The following GOLPH3L variants were observed in gnomAD, a reference collection of about 807,000 sequenced individuals.
The protein encoded by GOLPH3L is golgi phosphoprotein 3 like, also known as Golgi phosphoprotein 3-like.
In GOLPH3L, 22 loss-of-function variants were observed where a neutral mutation model predicts 30.3. The observed-to-expected ratio is 0.73, with a 90% CI of 0.52 to 1.04. GOLPH3L has a LOEUF of 1.04. GOLPH3L is among the 50% of genes least tolerant of loss of function. The pLI, the probability that GOLPH3L is intolerant of heterozygous loss-of-function variation, is 0.00. For synonymous variants in GOLPH3L, 120 were observed against 128.2 expected (o/e 0.94, Z 0.43); for missense variants, 303 against 345.8 (o/e 0.88, Z 0.98).
chr1:150,648,211 C>G lies in GOLPH3L; in HGVS notation c.*110G>C, dbSNP rs868524586. On this transcript the variant is annotated 3_prime_UTR_variant, in exon 5 of 5. Coordinates refer to ENST00000271732, the MANE Select transcript of GOLPH3L (RefSeq NM_018178.6). ...CTCTCCCCAAATCACAAGTCTGATT[C>G]AAGAAAAGGAAACAAAAATGATGAA... 1.1e-5 allele frequency: 9 copies of G among 784,456 alleles called. 1 individual carries two copies. The highest frequency in any genetic ancestry group is 5.6e-5 in the South Asian group (3 of 53,216). The allele number at this position is 784,456 out of a possible 1,614,324, so 48.6% of individuals were successfully genotyped here. A position where few individuals can be genotyped will look rare whatever the true frequency, so the allele number is the denominator to read the frequency against.
At chr1:150,694,110 C>T (rs1486665606) in intron 2 of GOLPH3L, 5 of 431,976 alleles carry the variant, frequency 1.2e-5, no homozygotes, top group East Asian at 8.7e-5. Context: ...TCACTCACCT[C>T]GGCTCCCCAA....
intron 2 of GOLPH3L, among the ~76,000 whole-genome samples, chr1:150,689,865 T>C (rs1651169489): frequency 6.6e-6 from 1 of 152,088 alleles, no homozygotes; most frequent in Non-Finnish European, 1.5e-5. Flanking sequence ...CTCGAACTCC[T>C]GGCCTCAAGT....
chr1:150,673,080 A>G (rs1650680503), intron 2 of GOLPH3L, among the ~76,000 whole-genome samples: 1 of 152,132 alleles, frequency 6.6e-6, no homozygotes, highest in Admixed American at 6.6e-5. Context: ...AAAATAAAGG[A>G]AAGCAACTGG....
chr1:150,648,811 T>C, intron 4 of GOLPH3L, 63 bp from the exon 5 acceptor site: 1 of 1,024,752 alleles, frequency 9.8e-7, no homozygotes, highest in Non-Finnish European at 1.5e-6. Flanking sequence ...AAACATGTAG[T>C]TGTTTGGAAA....
At chr1:150,682,066 GAAAAAA>G (rs34407662) in intron 2 of GOLPH3L, among the ~76,000 whole-genome samples, 1 of 143,850 alleles carries the variant, frequency 7.0e-6, no homozygotes, top group African/African-American at 2.6e-5. Context: ...ATGTCTCAAA[GAAAAAA>G]AAAAATGATG....
intron 2 of GOLPH3L, among the ~76,000 whole-genome samples, chr1:150,666,544 G>A (rs1418566324): frequency 6.6e-6 from 1 of 151,898 alleles, no homozygotes; most frequent in Non-Finnish European, 1.5e-5. Context: ...TATCATGTTG[G>A]CCAGGCTGGT....
chr1:150,693,402 T>C (rs1211477675), intron 2 of GOLPH3L, among the ~76,000 whole-genome samples: 2 of 152,200 alleles, frequency 1.3e-5, no homozygotes, highest in African/African-American at 2.4e-5. Flanking sequence ...TTTTAAAATC[T>C]AAAATAACAT....
At chr1:150,656,368 C>T (rs979880574) in intron 4 of GOLPH3L, among the ~76,000 whole-genome samples, 3 of 152,202 alleles carry the variant, frequency 2.0e-5, no homozygotes, top group South Asian at 2.1e-4. Context: ...TAATTGGATA[C>T]GACCTGCTCT....
At chr1:150,678,284 C>CAAAAAAA (rs75131824) in intron 2 of GOLPH3L, among the ~76,000 whole-genome samples, 7,886 of 45,688 alleles carry the variant, frequency 0.17, 984 homozygotes, top group South Asian at 0.29. Context: ...AACTCCGTCT[C>CAAAAAAA]AAAAAAAAAA....
At chr1:150,672,988 G>C (rs1189223854) in intron 2 of GOLPH3L, among the ~76,000 whole-genome samples, 1 of 151,890 alleles carries the variant, frequency 6.6e-6, no homozygotes, top group African/African-American at 2.4e-5. Flanking sequence ...AGTTTTTGCA[G>C]GGCTTCTGTT....
At position 150,646,719 on chromosome 1, in the gene GOLPH3L, G is replaced by A. The variant is rs1649985103; in HGVS notation, c.*1602C>T. Reference sequence around the variant, plus strand: ...TTCATTTAATTATTTCTAATCAAGAGGATTTAATGTCAGGTCTGGGTCATC... The same window carrying A: ...TTCATTTAATTATTTCTAATCAAGAAGATTTAATGTCAGGTCTGGGTCATC... On this transcript the variant is annotated 3_prime_UTR_variant, in exon 5 of 5. Coordinates refer to ENST00000271732, the MANE Select transcript of GOLPH3L (RefSeq NM_018178.6). The A allele has an allele frequency of 6.6e-6, 1 of 152,160 alleles. No individual in the cohort carries two copies. Among genetic ancestry groups the A allele is most frequent in the African/African-American group, 2.4e-5 (1 of 41,420 alleles). 9.4% of individuals were successfully genotyped at this position (152,160 alleles called of 1,614,324 possible).
rs906652153 is a variant in GOLPH3L, at chr1:150,678,722, C to T, written c.184-14959G>A. 4.6e-5 allele frequency among the ~76,000 whole-genome samples: 7 copies of T among 152,120 alleles called. 1 individual carries two copies. The East Asian group carries it at 5.8e-4, about 13-fold the overall frequency. On this transcript the variant is annotated intron_variant, in intron 2 of 4. Transcript: ENST00000271732. ...GGCGGGGTGCGGTGGCTCATGCCAC[C>T]GAGGCAAGCAGATCATAAGGTCAAG...
intron 4 of GOLPH3L, among the ~76,000 whole-genome samples, chr1:150,651,312 C>CA (rs1231362954): frequency 1.3e-5 from 2 of 150,724 alleles, no homozygotes; most frequent in Non-Finnish European, 3.0e-5. Flanking sequence ...GACTCCATCT[C>CA]AAAAAAACAA....
At chr1:150,666,695 G>A (rs910971864) in intron 2 of GOLPH3L, among the ~76,000 whole-genome samples, 6 of 152,004 alleles carry the variant, frequency 3.9e-5, no homozygotes, top group Non-Finnish European at 8.8e-5. Context: ...CTAACCCTGA[G>A]ATTTTGATTT....
At chr1:150,668,712 G>C (rs747226572) in intron 2 of GOLPH3L, among the ~76,000 whole-genome samples, 11 of 151,882 alleles carry the variant, frequency 7.2e-5, no homozygotes, top group Non-Finnish European at 1.6e-4. Flanking sequence ...CCTCTTTAAG[G>C]AAGGGGTAGG....
At chr1:150,651,183 G>C (rs587685701) in intron 4 of GOLPH3L, among the ~76,000 whole-genome samples, 1 of 152,218 alleles carries the variant, frequency 6.6e-6, no homozygotes, top group South Asian at 2.1e-4. Context: ...CAGGTATGGT[G>C]GGCACCTGTA....
chr1:150,673,370 T>G (rs1571046289), intron 2 of GOLPH3L, among the ~76,000 whole-genome samples: 1 of 151,666 alleles, frequency 6.6e-6, no homozygotes, highest in South Asian at 2.1e-4. Context: ...GAGACCAGGG[T>G]GGCCAACATA....
intron 2 of GOLPH3L, among the ~76,000 whole-genome samples, chr1:150,674,347 G>A (rs192262626): frequency 9.1e-4 from 137 of 150,678 alleles, no homozygotes; most frequent in African/African-American, 3.2e-3. Flanking sequence ...TGCAACCTCC[G>A]CCTCCTGGGC....
intron 4 of GOLPH3L, among the ~76,000 whole-genome samples, chr1:150,658,656 T>C (rs1455281689): frequency 1.3e-5 from 2 of 152,226 alleles, no homozygotes; most frequent in South Asian, 2.1e-4. Context: ...CATAAGGGGA[T>C]GTTTAGCTTG....
Sources: allele counts gnomAD v4.1 joint callset (sites outside exome capture counted in the v4.1 genomes callset), GRCh38; gene constraint gnomAD v4.1.1; transcripts MANE v1.5; gene names NCBI Gene and HGNC (gene_info 2026-07-23, HGNC 2026-07-21).